The following AP3B1 variants were observed in gnomAD, a reference collection of about 807,000 sequenced individuals.
AP3B1 encodes the protein adaptor related protein complex 3 subunit beta 1.
Under a neutral mutation model 132.5 loss-of-function variants are expected in AP3B1, and 61 were observed. The ratio of observed to expected loss-of-function variants is 0.46; its 90% CI spans 0.37 to 0.57. The LOEUF is 0.57. AP3B1 is among the 20% of genes least tolerant of loss of function. The pLI, the probability that AP3B1 is intolerant of heterozygous loss-of-function variation, is 0.00. For synonymous variants in AP3B1, 388 were observed against 438.3 expected (o/e 0.89, Z 1.43); for missense variants, 1,120 against 1,289.4 (o/e 0.87, Z 2.01).
In AP3B1 at chr5:78,092,489, A is replaced by T. The variant is rs546714031; in HGVS notation, c.2471-2990T>A. Among the ~76,000 whole-genome samples, 40 of 152,144 alleles carry T rather than the reference A, an allele frequency of 2.6e-4. No homozygotes were observed. In the East Asian group the frequency reaches 2.7e-3, roughly 10 times the overall value. On this transcript the variant is annotated intron_variant, in intron 21 of 26. Coordinates refer to ENST00000255194, the MANE Select transcript of AP3B1 (RefSeq NM_003664.5). ...AACAAAGTGACTCTATGGGGTTTTT[A>T]AAAAAAATGTCATAGTATACAAGTT...
At chr5:78,193,770 A>ATATAGATATATATATATTTTTTTTT in intron 7 of AP3B1, among the ~76,000 whole-genome samples, 1 of 67,218 alleles carries the variant, frequency 1.5e-5, no homozygotes, top group East Asian at 3.3e-4. Flanking sequence ...ATATATATAT[A>ATATAGATATATATATATTTTTTTTT]TTTTTTTTTT....
At chr5:78,063,231 C>A (rs536555911) in intron 22 of AP3B1, among the ~76,000 whole-genome samples, 1 of 152,272 alleles carries the variant, frequency 6.6e-6, no homozygotes, top group South Asian at 2.1e-4. Context: ...AAATAAAGAT[C>A]ATTTCATCAA....
chr5:78,225,351 G>T (rs1019554588), intron 6 of AP3B1, among the ~76,000 whole-genome samples, 191 bp downstream of exon 6: 2 of 151,782 alleles, frequency 1.3e-5, no homozygotes, highest in Non-Finnish European at 2.9e-5. Flanking sequence ...AACACATAAC[G>T]ATCTAAAACT....
intron 23 of AP3B1, among the ~76,000 whole-genome samples, chr5:78,036,953 T>C (rs1747832950): frequency 6.6e-6 from 1 of 152,120 alleles, no homozygotes; most frequent in Non-Finnish European, 1.5e-5. Flanking sequence ...TACATACAAG[T>C]ACATACTGCA....
intron 2 of AP3B1, among the ~76,000 whole-genome samples, chr5:78,265,372 G>C (rs1748278759): frequency 6.6e-6 from 1 of 152,106 alleles, no homozygotes; most frequent in African/African-American, 2.4e-5. Context: ...GGGCTCAGGA[G>C]TTCAAAGCTG....
At position 78,254,154 on chromosome 5, in the gene AP3B1, G is replaced by A. The variant is rs117105350; in HGVS notation, c.205-13218C>T. On this transcript the variant is annotated intron_variant, in intron 2 of 26. Coordinates refer to ENST00000255194, the MANE Select transcript of AP3B1 (RefSeq NM_003664.5). ...GAAGACAGGCTCTTTGGAAATACAC[G>A]GTCAGAGGAGACCAAAGAAAAAAGA... is the stretch of plus-strand genomic sequence containing the variant. Among the ~76,000 whole-genome samples, 250 of 151,618 alleles carry A rather than the reference G, an allele frequency of 1.6e-3. 1 individual carries two copies. The East Asian group carries it at 0.025, about 15-fold the overall frequency.
In AP3B1 at chr5:78,141,070, CA is replaced by C. The variant is rs1249488503; in HGVS notation, c.1650+72del. 9 of 1,415,682 alleles carry C rather than the reference CA, an allele frequency of 6.4e-6. No homozygotes were observed. The East Asian group carries it at 2.1e-4, about 32-fold the overall frequency. 87.7% of individuals were successfully genotyped at this position (1,415,682 alleles called of 1,614,324 possible). On this transcript the variant is annotated intron_variant, in intron 15 of 26. Transcript: ENST00000255194. The stretch of plus-strand genomic sequence containing the variant: ...TTGAATGGTCAGACTAATGAAGGCA[CA>C]GACCCCCGCTGTTTGATCAGAGTGA...
chr5:78,232,006 G>A (rs1040423485), intron 3 of AP3B1, among the ~76,000 whole-genome samples: 4 of 152,154 alleles, frequency 2.6e-5, no homozygotes, highest in Admixed American at 6.5e-5. Context: ...CTATCTCTGT[G>A]TGATGGTATT....
At chr5:78,246,288 A>C (rs1205907640) in intron 2 of AP3B1, among the ~76,000 whole-genome samples, 1 of 152,162 alleles carries the variant, frequency 6.6e-6, no homozygotes, top group Non-Finnish European at 1.5e-5. Flanking sequence ...GCCTAACAGC[A>C]CTGTATTTTG....
At chr5:78,030,321 AATATTC>A (rs1377904100) in intron 24 of AP3B1, among the ~76,000 whole-genome samples, 9 of 152,128 alleles carry the variant, frequency 5.9e-5, no homozygotes, top group African/African-American at 2.2e-4. Flanking sequence ...GATTTAAGAA[AATATTC>A]TATTACAGCA....
chr5:78,005,155 G>A (rs576944377), intron 26 of AP3B1, among the ~76,000 whole-genome samples: 3 of 152,268 alleles, frequency 2.0e-5, no homozygotes, highest in South Asian at 4.1e-4. Context: ...CGGTCATCAC[G>A]TGTGTAATTC....
chr5:78,073,002 G>A (rs1268187670), intron 22 of AP3B1, among the ~76,000 whole-genome samples: 1 of 152,060 alleles, frequency 6.6e-6, no homozygotes, highest in African/African-American at 2.4e-5. Context: ...TTACAGGCGT[G>A]AGCCACCACG....
intron 26 of AP3B1, among the ~76,000 whole-genome samples, chr5:78,009,599 T>C (rs992041748): frequency 6.6e-6 from 1 of 152,204 alleles, no homozygotes; most frequent in African/African-American, 2.4e-5. Flanking sequence ...TGCCAATGGA[T>C]ACACTGTTTC....
chr5:78,205,871 T>C (rs1745484386), intron 7 of AP3B1, among the ~76,000 whole-genome samples: 1 of 152,108 alleles, frequency 6.6e-6, no homozygotes, highest in African/African-American at 2.4e-5. Flanking sequence ...ATTTTTTTTT[T>C]TCAGAATATA....
At chr5:78,293,430 C>T (rs1157988075) in intron 1 of AP3B1, among the ~76,000 whole-genome samples, 1 of 152,168 alleles carries the variant, frequency 6.6e-6, no homozygotes, top group Non-Finnish European at 1.5e-5. Context: ...TTGTATCTTA[C>T]ATGCTATATA....
At chr5:78,269,801 C>A (rs1346653889) in intron 1 of AP3B1, among the ~76,000 whole-genome samples, 2 of 152,170 alleles carry the variant, frequency 1.3e-5, no homozygotes, top group East Asian at 3.8e-4. Context: ...CGTGACGGAA[C>A]AATTTGACAA....
intron 1 of AP3B1, among the ~76,000 whole-genome samples, chr5:78,291,869 A>G (rs1456089841): frequency 6.6e-6 from 1 of 152,252 alleles, no homozygotes; most frequent in African/African-American, 2.4e-5. Flanking sequence ...GTAGTTGCGT[A>G]AGAGAATATC....
intron 23 of AP3B1, among the ~76,000 whole-genome samples, chr5:78,034,942 T>C (rs1036105246): frequency 1.3e-5 from 2 of 151,954 alleles, no homozygotes; most frequent in East Asian, 3.9e-4. Context: ...GAAGAAGAAA[T>C]TAAGATGCAC....
chr5:78,002,812 G>A lies in AP3B1; in HGVS notation c.*90C>T. On this transcript the variant is annotated 3_prime_UTR_variant, in exon 27 of 27. Coordinates refer to ENST00000255194, the MANE Select transcript of AP3B1 (RefSeq NM_003664.5). ...TGTATTCTACCCCCACTGCCAGATG[G>A]AAGGGCTATTATTATAAATGAAAGG... is the stretch of plus-strand genomic sequence containing the variant. The A allele has an allele frequency of 6.9e-7, 1 of 1,439,122 alleles. No homozygotes were observed. The highest frequency in any genetic ancestry group is 9.8e-7 in the Non-Finnish European group (1 of 1,020,670). The allele number at this position is 1,439,122 out of a possible 1,614,324, so 89.1% of individuals were successfully genotyped here. A position where few individuals can be genotyped will look rare whatever the true frequency, so the allele number is the denominator to read the frequency against.
Sources: gnomAD v4.1 joint callset for allele counts (sites outside exome capture counted in the v4.1 genomes callset) on GRCh38, gnomAD v4.1.1 for gene constraint, MANE v1.5 for transcripts, NCBI Gene and HGNC (gene_info 2026-07-23, HGNC 2026-07-21) for gene names.